The following CERS6 variants were observed in gnomAD, a reference collection of about 807,000 sequenced individuals.
CERS6 encodes the protein LAG1 homolog, ceramide synthase 6.
A neutral mutation model predicts 56.8 loss-of-function variants in CERS6; 26 were observed. The observed-to-expected ratio is 0.46, with a 90% CI of 0.34 to 0.63. The LOEUF (loss-of-function observed/expected upper bound fraction) is 0.63, where lower values mean the gene tolerates loss of function less well. CERS6 is among the 30% of genes least tolerant of loss of function. The probability of loss-of-function intolerance (pLI) is 0.01; values close to 1 mark genes in which losing one functional copy is unlikely to be tolerated. For synonymous variants in CERS6, 164 were observed against 173.3 expected, an observed-to-expected ratio of 0.95 and a Z score of 0.42; for missense variants, 415 against 467.5, an observed-to-expected ratio of 0.89 and a Z score of 1.04.
intron 8 of CERS6, among the ~76,000 whole-genome samples, chr2:168,748,831 T>TGGG (rs72341847): frequency 4.5e-5 from 4 of 89,426 alleles, no homozygotes; most frequent in Admixed American, 2.6e-4. Context: ...TGGTTGGGGG[T>TGGG]GGGGGGGGGG....
intron 1 of CERS6, among the ~76,000 whole-genome samples, chr2:168,495,096 G>C (rs1694442278): frequency 6.6e-6 from 1 of 152,092 alleles, no homozygotes; most frequent in Non-Finnish European, 1.5e-5. Flanking sequence ...CCATGGGATG[G>C]CTGAACTCCC....
intron 1 of CERS6, among the ~76,000 whole-genome samples, chr2:168,493,610 A>C (rs968125112): frequency 6.6e-6 from 1 of 152,170 alleles, no homozygotes; most frequent in East Asian, 1.9e-4. Context: ...AGCAGACCAT[A>C]TTAACAATGT....
intron 6 of CERS6, among the ~76,000 whole-genome samples, chr2:168,697,872 C>T (rs955258868): frequency 1.5e-4 from 23 of 152,246 alleles, no homozygotes; most frequent in African/African-American, 5.1e-4. Flanking sequence ...ATTGCTATAC[C>T]AAAAGTTACC....
In CERS6 at chr2:168,495,606, G is replaced by A. The variant is rs56375171; in HGVS notation, c.170+38988G>A. 7.9e-3 allele frequency among the ~76,000 whole-genome samples: 1,200 copies of A among 152,280 alleles called. 12 individuals carry two copies. Among genetic ancestry groups the A allele is most frequent in the African/African-American group, 0.026 (1,089 of 41,568 alleles). On this transcript the variant is annotated intron_variant, in intron 1 of 9. Coordinates refer to ENST00000305747, the MANE Select transcript of CERS6 (RefSeq NM_203463.3). The stretch of plus-strand genomic sequence containing the variant: ...GGGCCAATCCTTGTAAGTCTTGAAC[G>A]TGGTTGGGGCATCTAGCAGTATTTT...
At chr2:168,753,678 C>A (rs1684339739) in intron 8 of CERS6, among the ~76,000 whole-genome samples, 1 of 152,176 alleles carries the variant, frequency 6.6e-6, no homozygotes, top group Admixed American at 6.5e-5. Context: ...ATACATTTTT[C>A]TCTTTTTAGC....
intron 3 of CERS6, among the ~76,000 whole-genome samples, chr2:168,629,678 A>G (rs753840896): frequency 6.6e-6 from 1 of 152,176 alleles, no homozygotes; most frequent in Non-Finnish European, 1.5e-5. Context: ...TGACTGCCTA[A>G]GTCACACACC....
Position 168,485,608 on chromosome 2 carries a change from C to G in CERS6, c.170+28990C>G, listed in dbSNP as rs752915400. ...TAGTTGGAATCATACAGTGTGTAAC[C>G]TTTTCAGATTTCCTTCTTTCACTTT... is the stretch of plus-strand genomic sequence containing the variant. On this transcript the variant is annotated intron_variant, in intron 1 of 9. Coordinates refer to ENST00000305747, the MANE Select transcript of CERS6 (RefSeq NM_203463.3). 2.1e-4 allele frequency among the ~76,000 whole-genome samples: 32 copies of G among 152,110 alleles called. 1 individual carries two copies. Among genetic ancestry groups the G allele is most frequent in the Admixed American group, 6.6e-5 (1 of 15,256 alleles).
At chr2:168,597,845 G>A (rs936316877) in intron 3 of CERS6, among the ~76,000 whole-genome samples, 1 of 152,184 alleles carries the variant, frequency 6.6e-6, no homozygotes, top group Non-Finnish European at 1.5e-5. Context: ...AGTCATCTAG[G>A]ACAGTGTGCC....
chr2:168,467,445 G>T (rs766358007), intron 1 of CERS6, among the ~76,000 whole-genome samples: 2 of 152,186 alleles, frequency 1.3e-5, no homozygotes, highest in Non-Finnish European at 2.9e-5. Context: ...GTGGGTGTGT[G>T]TACATCTTTG....
intron 1 of CERS6, among the ~76,000 whole-genome samples, chr2:168,478,787 A>G (rs1694125054): frequency 6.6e-6 from 1 of 152,144 alleles, no homozygotes; most frequent in African/African-American, 2.4e-5. Flanking sequence ...CTTATTTGTT[A>G]TCATCATCAT....
intron 1 of CERS6, among the ~76,000 whole-genome samples, chr2:168,512,669 C>CTTTT (rs35756766): frequency 0.033 from 4,344 of 130,972 alleles, 249 homozygotes; most frequent in African/African-American, 0.11. Flanking sequence ...ATTTTCTTTT[C>CTTTT]TTTTTTTTTT....
chr2:168,757,175 C>A (rs779304479), intron 8 of CERS6, among the ~76,000 whole-genome samples: 14 of 152,064 alleles, frequency 9.2e-5, no homozygotes, highest in Admixed American at 2.0e-4. Flanking sequence ...ACATAGGCAA[C>A]AAAGAGCTAA....
intron 5 of CERS6, among the ~76,000 whole-genome samples, chr2:168,691,618 G>A (rs551589907): frequency 6.6e-6 from 1 of 152,312 alleles, no homozygotes; most frequent in African/African-American, 2.4e-5. Context: ...CAGCATCATT[G>A]AAAGTGAGAT....
At chr2:168,744,204 A>G (rs917056052) in intron 8 of CERS6, among the ~76,000 whole-genome samples, 12 of 151,294 alleles carry the variant, frequency 7.9e-5, no homozygotes, top group Non-Finnish European at 1.5e-4. Flanking sequence ...ACGGGGTTTC[A>G]CCGTGTTAGC....
In CERS6 at chr2:168,765,607, A is replaced by G. The variant is rs78720892; in HGVS notation, c.861A>G (p.Thr287=). 6.2e-7 allele frequency: 1 copy of G among 1,613,486 alleles called. No homozygotes were observed. The highest frequency in any genetic ancestry group is 2.2e-5 in the East Asian group (1 of 44,862). The stretch of plus-strand genomic sequence containing the variant: ...TTTTCCTTAGGGTGTTAAATACCAC[A>G]TTATTTGAAAGCTGGGAGATCGTTG... ...GIFPLWVLNT[T]LFESWEIVGP... Residue 287 remains threonine (T), a synonymous_variant, in exon 9 of 10, where the codon ACA becomes ACG. Coordinates refer to ENST00000305747, the MANE Select transcript of CERS6 (RefSeq NM_203463.3).
chr2:168,612,487 T>G (rs1684213854), intron 3 of CERS6, among the ~76,000 whole-genome samples: 1 of 152,156 alleles, frequency 6.6e-6, no homozygotes, highest in Non-Finnish European at 1.5e-5. Context: ...GGTTAAGGCT[T>G]TTTTGTGTTG....
rs147476382 is a variant in CERS6 at position 168,722,166 on chromosome 2, C to T, written c.845+4188C>T. ...CACGATTATATATCTGAATGATGAACATAATAATGTATATTATATATAAAG... is the reference window on the plus strand; with the variant it reads ...CACGATTATATATCTGAATGATGAATATAATAATGTATATTATATATAAAG... On this transcript the variant is annotated intron_variant, in intron 8 of 9. Transcript: ENST00000305747. 7.0e-3 allele frequency among the ~76,000 whole-genome samples: 1,069 copies of T among 152,186 alleles called. 11 individuals are homozygous for T. Among genetic ancestry groups the T allele is most frequent in the African/African-American group, 0.024 (1,003 of 41,520 alleles).
chr2:168,708,972 C>G (rs1441505124), intron 6 of CERS6, among the ~76,000 whole-genome samples: 1 of 152,044 alleles, frequency 6.6e-6, no homozygotes, highest in Non-Finnish European at 1.5e-5. Flanking sequence ...GCATGTACAT[C>G]AAGATGAATT....
intron 3 of CERS6, among the ~76,000 whole-genome samples, chr2:168,617,134 T>C (rs1211160762): frequency 1.3e-5 from 2 of 152,196 alleles, no homozygotes; most frequent in South Asian, 2.1e-4. Flanking sequence ...TGAATGATCA[T>C]TGGGTCAGAA....
Sources: gnomAD v4.1 joint callset for allele counts (sites outside exome capture counted in the v4.1 genomes callset) on GRCh38, gnomAD v4.1.1 for gene constraint, MANE v1.5 for transcripts, NCBI Gene and HGNC (gene_info 2026-07-23, HGNC 2026-07-21) for gene names.